PPM1L: variants seen among roughly 807,000 people sequenced by gnomAD.
PPM1L encodes protein phosphatase 1L.
Under a neutral mutation model 31.4 loss-of-function variants are expected in PPM1L, and 13 were observed. That is an observed-to-expected ratio of 0.41 (90% CI 0.27 to 0.66). The LOEUF (loss-of-function observed/expected upper bound fraction) is 0.66. PPM1L is among the 30% of genes least tolerant of loss of function. The pLI is 0.29. For synonymous variants in PPM1L, 184 were observed against 175.4 expected, an observed-to-expected ratio of 1.05 and a Z score of -0.39; for missense variants, 326 against 453.7, an observed-to-expected ratio of 0.72 and a Z score of 2.56.
rs367759919 is a variant in PPM1L, at chr3:160,948,861, T to C, written c.400-12875T>C. On this transcript the variant is annotated intron_variant, in intron 1 of 3. Transcript: ENST00000498165. Reference sequence around the variant, plus strand: ...GGAGGGTCTTGTACAACCCTAGATGTACATCAGAATTTGTTACAAAGCTTT... The same window carrying C: ...GGAGGGTCTTGTACAACCCTAGATGCACATCAGAATTTGTTACAAAGCTTT... Among the ~76,000 whole-genome samples, 22 of 152,300 alleles carry C rather than the reference T, an allele frequency of 1.4e-4. No individual in the cohort carries two copies. The East Asian group carries it at 4.2e-3, about 29-fold the overall frequency.
intron 1 of PPM1L, among the ~76,000 whole-genome samples, chr3:160,780,135 A>C (rs1478927899): frequency 6.6e-6 from 1 of 151,990 alleles, no homozygotes; most frequent in African/African-American, 2.4e-5. Flanking sequence ...TGATCCTCCC[A>C]CCTCAGCTTC....
intron 1 of PPM1L, among the ~76,000 whole-genome samples, chr3:160,880,974 T>C (rs192419451): frequency 1.3e-5 from 2 of 152,318 alleles, no homozygotes; most frequent in Admixed American, 1.3e-4. Flanking sequence ...TGAAACTCTG[T>C]TTATTTCATA....
rs934093484 is a variant in PPM1L at position 160,962,590 on chromosome 3, C to T, written c.574+680C>T. 5.3e-5 allele frequency among the ~76,000 whole-genome samples: 8 copies of T among 150,786 alleles called. No homozygotes were observed. The Admixed American group carries it at 5.3e-4, about 10-fold the overall frequency. Reference sequence around the variant, plus strand: ...AAATTGCTATACCTCTCCACCTCCCCCTCTCAAAAAAATTGGAGAAAAAGT... The same window carrying T: ...AAATTGCTATACCTCTCCACCTCCCTCTCTCAAAAAAATTGGAGAAAAAGT... On this transcript the variant is annotated intron_variant, in intron 2 of 3. Coordinates refer to ENST00000498165, the MANE Select transcript of PPM1L (RefSeq NM_139245.4).
chr3:160,775,718 G>A (rs1456720425), intron 1 of PPM1L, among the ~76,000 whole-genome samples: 1 of 152,186 alleles, frequency 6.6e-6, no homozygotes, highest in Non-Finnish European at 1.5e-5. Context: ...TATTTGGTTA[G>A]GAGTGTTATG....
chr3:160,852,719 G>A (rs150101001), intron 1 of PPM1L, among the ~76,000 whole-genome samples: 14 of 152,210 alleles, frequency 9.2e-5, no homozygotes, highest in African/African-American at 2.6e-4. Context: ...TTTTAATATC[G>A]TACTTTTCCA....
At position 160,927,412 on chromosome 3, in the gene PPM1L, A is replaced by G. The variant is rs554483567; in HGVS notation, c.400-34324A>G. On this transcript the variant is annotated intron_variant, in intron 1 of 3. Coordinates refer to ENST00000498165, the MANE Select transcript of PPM1L (RefSeq NM_139245.4). The stretch of plus-strand genomic sequence containing the variant: ...CATAGAGCAACTTTTGAACAACAAC[A>G]TTTAAGGTCTAAAAAAAAACCCTAC... Among the ~76,000 whole-genome samples, 18 of 152,250 alleles carry G rather than the reference A, an allele frequency of 1.2e-4. No homozygotes were observed. In the South Asian group the frequency reaches 2.7e-3, roughly 23 times the overall value.
chr3:160,837,430 CA>C (rs1268803699), intron 1 of PPM1L, among the ~76,000 whole-genome samples: 1 of 152,178 alleles, frequency 6.6e-6, no homozygotes, highest in African/African-American at 2.4e-5. Context: ...GACTTCAAGC[CA>C]CTGTTATTGT....
At chr3:160,863,076 A>G (rs1250164835) in intron 1 of PPM1L, among the ~76,000 whole-genome samples, 3 of 152,166 alleles carry the variant, frequency 2.0e-5, no homozygotes, top group African/African-American at 7.2e-5. Flanking sequence ...ATTTTTCCAG[A>G]CTTTCCACTG....
intron 2 of PPM1L, among the ~76,000 whole-genome samples, chr3:160,990,776 T>C (rs1293905438): frequency 6.6e-6 from 1 of 152,214 alleles, no homozygotes; most frequent in East Asian, 1.9e-4. Context: ...CCCATGTGAT[T>C]ATAAACAGAT....
chr3:160,852,924 G>A lies in PPM1L; in HGVS notation c.399+96217G>A, dbSNP rs1711568043. 2.0e-5 allele frequency among the ~76,000 whole-genome samples: 3 copies of A among 152,124 alleles called. No individual in the cohort carries two copies. The South Asian group carries it at 6.2e-4, about 32-fold the overall frequency. ...GCTGATATAAATTATCGTAAACTTG[G>A]TGGCTTAAAACAGTGGAAATTTGTT... On this transcript the variant is annotated intron_variant, in intron 1 of 3. Coordinates refer to ENST00000498165, the MANE Select transcript of PPM1L (RefSeq NM_139245.4).
rs1038042669 is a variant in PPM1L at position 161,077,641 on chromosome 3, T to C, written c.*8484T>C. On this transcript the variant is annotated 3_prime_UTR_variant, in exon 4 of 4. Transcript: ENST00000498165. ...TGAGTGTAAATCAGTGAATCTGTTA[T>C]ATAGAAAGTTAACATTTCAGGAGCA... 3.9e-5 allele frequency: 6 copies of C among 152,246 alleles called. No individual in the cohort carries two copies. Among genetic ancestry groups the C allele is most frequent in the African/African-American group, 1.4e-4 (6 of 41,464 alleles). 9.4% of individuals were successfully genotyped at this position (152,246 alleles called of 1,614,324 possible).
At chr3:160,961,645 T>G in intron 1 of PPM1L, 91 bp from the exon 2 acceptor site, 5 of 1,176,922 alleles carry the variant, frequency 4.2e-6, no homozygotes, top group Non-Finnish European at 5.7e-6. Context: ...CACAGTGCTT[T>G]GAGCTTTCTC....
chr3:160,854,617 C>G (rs1246415552), intron 1 of PPM1L, among the ~76,000 whole-genome samples: 1 of 151,900 alleles, frequency 6.6e-6, no homozygotes, highest in African/African-American at 2.4e-5. Context: ...CACACACACA[C>G]ATACACACAC....
intron 2 of PPM1L, among the ~76,000 whole-genome samples, chr3:160,971,770 C>G (rs1559908563): frequency 1.3e-5 from 2 of 151,894 alleles, no homozygotes; most frequent in Admixed American, 6.6e-5. Context: ...CTACCACATT[C>G]TTTTTTTTAT....
intron 2 of PPM1L, among the ~76,000 whole-genome samples, chr3:161,057,556 C>T (rs1394486791): frequency 2.0e-5 from 3 of 152,068 alleles, no homozygotes; most frequent in East Asian, 3.9e-4. Context: ...TCACCAACAG[C>T]CCAGATTTGA....
At chr3:160,963,349 C>T (rs983702422) in intron 2 of PPM1L, among the ~76,000 whole-genome samples, 3 of 151,798 alleles carry the variant, frequency 2.0e-5, no homozygotes, top group Admixed American at 6.6e-5. Flanking sequence ...GTTGAATGCA[C>T]GGCAATATAC....
chr3:160,923,603 AG>A (rs1217686582), intron 1 of PPM1L, among the ~76,000 whole-genome samples: 1 of 152,224 alleles, frequency 6.6e-6, no homozygotes, highest in African/African-American at 2.4e-5. Flanking sequence ...GTCACATCAA[AG>A]AATATTGAAA....
At chr3:160,806,333 TTC>T (rs1712600250) in intron 1 of PPM1L, among the ~76,000 whole-genome samples, 1 of 152,138 alleles carries the variant, frequency 6.6e-6, no homozygotes. Context: ...ATCCCTGACT[TTC>T]TCTGCCAGGT....
chr3:160,774,529 T>G (rs1232539671), intron 1 of PPM1L, among the ~76,000 whole-genome samples: 1 of 152,254 alleles, frequency 6.6e-6, no homozygotes, highest in Non-Finnish European at 1.5e-5. Flanking sequence ...GCAACCATGA[T>G]TTATTTCTCT....
Sources: allele counts gnomAD v4.1 joint callset (sites outside exome capture counted in the v4.1 genomes callset), GRCh38; gene constraint gnomAD v4.1.1; transcripts MANE v1.5; gene names NCBI Gene and HGNC (gene_info 2026-07-23, HGNC 2026-07-21).